NDUFS4: variants seen among roughly 807,000 people sequenced by gnomAD.
NDUFS4 encodes the protein NADH:ubiquinone oxidoreductase subunit S4.
In NDUFS4, 28 loss-of-function variants were observed where a neutral mutation model predicts 24.3. The observed-to-expected ratio is 1.15, with a 90% CI of 0.85 to 1.58. The LOEUF (loss-of-function observed/expected upper bound fraction) is 1.58. Among genes scored for constraint, NDUFS4 ranks in the 40% most tolerant of loss-of-function variants. The pLI is 0.00. For synonymous variants in NDUFS4, 93 were observed against 69.7 expected, an observed-to-expected ratio of 1.34 and a Z score of -1.67; for missense variants, 223 against 207.9, an observed-to-expected ratio of 1.07 and a Z score of -0.45.
intron 1 of NDUFS4, among the ~76,000 whole-genome samples, chr5:53,564,469 T>C (rs940808568): frequency 6.6e-6 from 1 of 152,244 alleles, no homozygotes; most frequent in African/African-American, 2.4e-5. Context: ...GTTTTGTTTC[T>C]TTTCCTCTTT....
At chr5:53,665,056 C>G (rs1752473050) in intron 4 of NDUFS4, among the ~76,000 whole-genome samples, 1 of 152,206 alleles carries the variant, frequency 6.6e-6, no homozygotes. Context: ...AGTCAGGACC[C>G]TCAGCTGCAG....
chr5:53,572,384 G>A (rs1379210101), intron 1 of NDUFS4, among the ~76,000 whole-genome samples: 2 of 152,074 alleles, frequency 1.3e-5, no homozygotes, highest in Non-Finnish European at 2.9e-5. Flanking sequence ...TTCCTACTTC[G>A]GCCGTTTTTC....
chr5:53,618,782 T>G (rs1750934185), intron 2 of NDUFS4, among the ~76,000 whole-genome samples: 1 of 152,126 alleles, frequency 6.6e-6, no homozygotes. Flanking sequence ...TTATTCCTAT[T>G]ATTATATTTG....
At chr5:53,584,134 A>C (rs1007807357) in intron 1 of NDUFS4, among the ~76,000 whole-genome samples, 9 of 152,200 alleles carry the variant, frequency 5.9e-5, no homozygotes, top group Admixed American at 5.9e-4. Context: ...TACCTTTTTC[A>C]TAGAAATTAC....
Position 53,572,024 on chromosome 5 carries a change from AT to A in NDUFS4, c.98+11267del, listed in dbSNP as rs537498553. Reference sequence around the variant, plus strand: ...GAAGAAGAGAAAAGCATACACATGTATTTAATATAAATTTGTGTAACATGGG... The same window carrying A: ...GAAGAAGAGAAAAGCATACACATGTATTAATATAAATTTGTGTAACATGGG... On this transcript the variant is annotated intron_variant, in intron 1 of 4. Coordinates refer to ENST00000296684, the MANE Select transcript of NDUFS4 (RefSeq NM_002495.4). Among the ~76,000 whole-genome samples the A allele has an allele frequency of 2.4e-3, 359 of 152,346 alleles. 4 individuals carry two copies. Among genetic ancestry groups the A allele is most frequent in the African/African-American group, 8.0e-3 (334 of 41,582 alleles).
At chr5:53,623,710 T>C (rs1338023612) in intron 2 of NDUFS4, among the ~76,000 whole-genome samples, 1 of 145,540 alleles carries the variant, frequency 6.9e-6, no homozygotes, top group Non-Finnish European at 1.5e-5. Flanking sequence ...CTTTGATCTG[T>C]TTTTTTGTTT....
chr5:53,667,423 C>G (rs1472171170), intron 4 of NDUFS4, among the ~76,000 whole-genome samples: 1 of 151,096 alleles, frequency 6.6e-6, no homozygotes, highest in African/African-American at 2.4e-5. Context: ...TGAGATCGTG[C>G]CATTGCACTC....
chr5:53,582,530 C>T (rs1749604609), intron 1 of NDUFS4, among the ~76,000 whole-genome samples: 1 of 152,212 alleles, frequency 6.6e-6, no homozygotes, highest in South Asian at 2.1e-4. Context: ...ACAGAGAAAA[C>T]CCATGTGAAC....
chr5:53,566,815 T>G (rs551164689), intron 1 of NDUFS4, among the ~76,000 whole-genome samples: 1 of 151,538 alleles, frequency 6.6e-6, no homozygotes, highest in African/African-American at 2.4e-5. Flanking sequence ...ACATGATAAG[T>G]ACAGATGCAG....
chr5:53,618,518 T>C (rs946194952), intron 2 of NDUFS4, among the ~76,000 whole-genome samples: 76 of 152,258 alleles, frequency 5.0e-4, no homozygotes, highest in African/African-American at 1.8e-3. Context: ...GTGTTAGTCA[T>C]GTGTGTATAC....
intron 2 of NDUFS4, among the ~76,000 whole-genome samples, chr5:53,619,912 A>G (rs967072868): frequency 6.6e-6 from 1 of 152,180 alleles, no homozygotes; most frequent in African/African-American, 2.4e-5. Flanking sequence ...TTTTGCAACT[A>G]TACGCAATGC....
intron 1 of NDUFS4, among the ~76,000 whole-genome samples, chr5:53,562,837 A>G (rs1171831781): frequency 6.6e-6 from 1 of 152,198 alleles, no homozygotes; most frequent in East Asian, 1.9e-4. Flanking sequence ...TTTTATTGTA[A>G]TGCTTAGAAA....
chr5:53,603,719 CA>C (rs1750405993), intron 2 of NDUFS4, among the ~76,000 whole-genome samples, 189 bp downstream of exon 2: 1 of 152,018 alleles, frequency 6.6e-6, no homozygotes, highest in Non-Finnish European at 1.5e-5. Flanking sequence ...TAAACAAATA[CA>C]AAACCATATG....
intron 4 of NDUFS4, among the ~76,000 whole-genome samples, chr5:53,677,811 G>T (rs997582428): frequency 2.0e-5 from 3 of 152,144 alleles, no homozygotes; most frequent in East Asian, 1.9e-4. Flanking sequence ...GGTAGTTCTT[G>T]TTCTGTGTAC....
At chr5:53,626,345 A>G (rs1751225101) in intron 2 of NDUFS4, among the ~76,000 whole-genome samples, 1 of 152,092 alleles carries the variant, frequency 6.6e-6, no homozygotes, top group Non-Finnish European at 1.5e-5. Flanking sequence ...CGCAATAAAC[A>G]TGTGTGCCTG....
At chr5:53,682,756 A>G (rs921767446) in intron 4 of NDUFS4, among the ~76,000 whole-genome samples, 4 of 152,110 alleles carry the variant, frequency 2.6e-5, no homozygotes, top group African/African-American at 9.7e-5. Flanking sequence ...AGTTGGTTAT[A>G]ATGTTCATCG....
chr5:53,575,064 C>T (rs372270426), intron 1 of NDUFS4, among the ~76,000 whole-genome samples: 4 of 152,170 alleles, frequency 2.6e-5, no homozygotes, highest in Admixed American at 6.5e-5. Flanking sequence ...TTGCCTATGG[C>T]TGATTCATGG....
At chr5:53,610,417 C>T (rs423872) in intron 2 of NDUFS4, among the ~76,000 whole-genome samples, 99,944 of 151,902 alleles carry the variant, frequency 0.66, 33,120 homozygotes, top group East Asian at 0.75. Context: ...ATAACACATA[C>T]AATGCAAAAG....
At chr5:53,603,601 A>G in intron 2 of NDUFS4, 71 bp downstream of exon 2, 4 of 1,203,288 alleles carry the variant, frequency 3.3e-6, no homozygotes, top group East Asian at 2.4e-5. Flanking sequence ...GATATTCAGT[A>G]TGGTGTTCCA....
Sources: allele counts gnomAD v4.1 joint callset (sites outside exome capture counted in the v4.1 genomes callset), GRCh38; gene constraint gnomAD v4.1.1; transcripts MANE v1.5; gene names NCBI Gene and HGNC (gene_info 2026-07-23, HGNC 2026-07-21).